Variants in WARS1 observed in about 807,000 individuals in gnomAD.
WARS1 encodes the protein tryptophanyl-tRNA synthetase 1.
WARS1 carries 17 observed loss-of-function variants against 47.8 expected under a neutral mutation model. That is an observed-to-expected ratio of 0.36 (90% confidence interval 0.24 to 0.53). The LOEUF (loss-of-function observed/expected upper bound fraction) is 0.53, where lower values mean the gene tolerates loss of function less well. Among genes scored for constraint, WARS1 ranks in the 20% least tolerant of loss-of-function variants. WARS1 has a pLI of 0.91. For missense variants in WARS1, 434 were observed against 608.0 expected (o/e 0.71, Z 3.01); for synonymous variants, 208 against 228.1 (o/e 0.91, Z 0.79).
intron 3 of WARS1, among the ~76,000 whole-genome samples, chr14:100,361,489 T>C (rs145561311): frequency 4.6e-4 from 70 of 152,394 alleles, no homozygotes; most frequent in African/African-American, 1.6e-3. Context: ...CTACTATAGA[T>C]CATTATTTTG....
At chr14:100,371,132 T>C (rs1041092223) in intron 1 of WARS1, among the ~76,000 whole-genome samples, 1 of 152,128 alleles carries the variant, frequency 6.6e-6, no homozygotes, top group East Asian at 1.9e-4. Context: ...ATCCTATCCA[T>C]TTGTTAAATA....
chr14:100,362,141 T>G (rs1311360646), intron 2 of WARS1, among the ~76,000 whole-genome samples: 1 of 152,172 alleles, frequency 6.6e-6, no homozygotes, highest in Non-Finnish European at 1.5e-5. Flanking sequence ...TCACAGCAAG[T>G]CATTGGCTCG....
At chr14:100,362,968 T>A (rs1006594823) in intron 2 of WARS1, among the ~76,000 whole-genome samples, 1 of 152,222 alleles carries the variant, frequency 6.6e-6, no homozygotes, top group Admixed American at 6.5e-5. Flanking sequence ...AGACTCATCA[T>A]TAAAATGAGC....
chr14:100,356,394 T>TGGG (rs1442957929), intron 4 of WARS1, among the ~76,000 whole-genome samples: 22 of 68,854 alleles, frequency 3.2e-4, no homozygotes, highest in East Asian at 3.5e-4. Context: ...TGTGTGTGTG[T>TGGG]GTGTGGGGGG....
rs775279931 is a variant in WARS1, at chr14:100,334,887, G to A, written c.1404C>T (p.Phe468=). The A allele has an allele frequency of 2.4e-5, 38 of 1,613,802 alleles. No individual in the cohort carries two copies. In the East Asian group the frequency reaches 2.9e-4, roughly 12 times the overall value. The part of the protein sequence containing the change: ...KEFMTPRKLS[F]DFQ ...TGTAAAACGAGTGCTACTGAAAGTCGAAGGACAGCTTCCGGGGAGTCATGA... is the reference window on the plus strand; with the variant it reads ...TGTAAAACGAGTGCTACTGAAAGTCAAAGGACAGCTTCCGGGGAGTCATGA... The change falls in exon 11 of 11, where the codon TTC becomes TTT. Residue 468 remains phenylalanine, a synonymous_variant. Transcript: ENST00000392882.
intron 4 of WARS1, among the ~76,000 whole-genome samples, chr14:100,356,779 C>T (rs535299036): frequency 6.6e-6 from 1 of 152,240 alleles, no homozygotes; most frequent in African/African-American, 2.4e-5. Flanking sequence ...GAAATACTTC[C>T]CAACTCATTC....
At chr14:100,345,835 C>T (rs1425190599) in intron 7 of WARS1, among the ~76,000 whole-genome samples, 1 of 152,362 alleles carries the variant, frequency 6.6e-6, no homozygotes, top group East Asian at 1.9e-4. Context: ...CCACGCCAGC[C>T]CCCACCAAGT....
chr14:100,363,103 A>G (rs1298793092), intron 2 of WARS1, among the ~76,000 whole-genome samples: 1 of 152,334 alleles, frequency 6.6e-6, no homozygotes, highest in South Asian at 2.1e-4. Flanking sequence ...CTTGCAAAAA[A>G]TAACAGTTTA....
In WARS1 at chr14:100,360,637, G is replaced by T. The variant is rs201676413; in HGVS notation, c.339C>A (p.Asp113Glu). The change falls in exon 4 of 11, where the codon GAC becomes GAA. Residue 113 changes from aspartate to glutamate, a missense_variant. Asp to Glu is a conservative substitution (Grantham distance 45). Around this residue, in one of 2 missense-constraint regions of WARS1, gnomAD observed 347 missense variants for 523.8 expected, o/e 0.66. Coordinates refer to ENST00000392882, the MANE Select transcript of WARS1 (RefSeq NM_004184.4). ...LIVRFGSSKIDKELINRIERA... is the reference protein window; with the variant it reads ...LIVRFGSSKIEKELINRIERA... ...TCTCTATTCGGTTTATTAGCTCTTT[G>T]TCAATTTTACTACTTCCAAACCGAA... is the stretch of plus-strand genomic sequence containing the variant. 8.7e-6 allele frequency: 14 copies of T among 1,613,840 alleles called. No individual in the cohort carries two copies. The East Asian group carries it at 2.5e-4, about 28-fold the overall frequency.
At position 100,355,478 on chromosome 14, in the gene WARS1, C is replaced by T. The variant is rs570442750; in HGVS notation, c.423-912G>A. On this transcript the variant is annotated intron_variant, in intron 4 of 10. Transcript: ENST00000392882. The stretch of plus-strand genomic sequence containing the variant: ...CCTCGTGATTTGCCTGCCTCGGCCT[C>T]CCAAAGTGCTGGGATTACAGGTGTG... 2.6e-5 allele frequency among the ~76,000 whole-genome samples: 4 copies of T among 152,222 alleles called. No individual in the cohort carries two copies. In the South Asian group the frequency reaches 6.2e-4, roughly 24 times the overall value.
intron 5 of WARS1, 34 bp downstream of exon 5, chr14:100,354,413 G>C: frequency 6.2e-7 from 1 of 1,602,518 alleles, no homozygotes; most frequent in East Asian, 2.2e-5. Context: ...AATTCACTAA[G>C]AGAGTAAGAA....
chr14:100,353,518 G>A (rs1320420700), intron 6 of WARS1, among the ~76,000 whole-genome samples, 169 bp downstream of exon 6: 1 of 152,200 alleles, frequency 6.6e-6, no homozygotes, highest in Non-Finnish European at 1.5e-5. Flanking sequence ...AAAGTGCTGG[G>A]ATTACAGGTG....
chr14:100,347,937 T>A (rs982397106), intron 6 of WARS1, among the ~76,000 whole-genome samples: 1 of 152,208 alleles, frequency 6.6e-6, no homozygotes, highest in Admixed American at 6.5e-5. Context: ...CTCTAGGCCC[T>A]ACCATGTGTT....
In WARS1 at chr14:100,335,757, C is replaced by T. The variant is rs576235706; in HGVS notation, c.1255-721G>A. On this transcript the variant is annotated intron_variant, in intron 10 of 10. Coordinates refer to ENST00000392882, the MANE Select transcript of WARS1 (RefSeq NM_004184.4). ...AGCAAATTTAATAAAGTACCCAAACCACAAAGCAGCAGCAAAGTAAAGAAA... is the reference window on the plus strand; with the variant it reads ...AGCAAATTTAATAAAGTACCCAAACTACAAAGCAGCAGCAAAGTAAAGAAA... Among the ~76,000 whole-genome samples, 17 of 152,254 alleles carry T rather than the reference C, an allele frequency of 1.1e-4. No homozygotes were observed. In the East Asian group the frequency reaches 3.3e-3, roughly 29 times the overall value.
At chr14:100,346,557 A>T (rs1268027526) in intron 7 of WARS1, among the ~76,000 whole-genome samples, 189 bp downstream of exon 7, 1 of 152,238 alleles carries the variant, frequency 6.6e-6, no homozygotes, top group Non-Finnish European at 1.5e-5. Flanking sequence ...GAAGCTGCTC[A>T]ATGCATTACA....
chr14:100,357,294 C>T (rs775664539), intron 4 of WARS1, among the ~76,000 whole-genome samples: 59 of 149,550 alleles, frequency 3.9e-4, no homozygotes, highest in Non-Finnish European at 5.3e-4. Context: ...AAATTAGGAA[C>T]GAAAAAAAAA....
intron 2 of WARS1, among the ~76,000 whole-genome samples, chr14:100,367,798 T>C (rs1317784334): frequency 1.3e-5 from 2 of 151,988 alleles, no homozygotes; most frequent in East Asian, 3.9e-4. Flanking sequence ...CCAGGGGAAA[T>C]CACTTCCATG....
In WARS1 at chr14:100,361,911, T is replaced by A. The variant is rs759934254; in HGVS notation, c.110A>T (p.Asp37Val). The A allele has an allele frequency of 1.2e-6, 2 of 1,614,188 alleles. No homozygotes were observed. Among genetic ancestry groups the A allele is most frequent in the East Asian group, 4.5e-5 (2 of 44,886 alleles). The change falls in exon 3 of 11, where the codon GAT becomes GTT. Residue 37 changes from aspartate to valine, a missense_variant. By Grantham distance (152) the Asp-to-Val change is radical. Around this residue, in one of 2 missense-constraint regions of WARS1, gnomAD observed 87 missense variants for 84.2 expected, o/e 1.03. Transcript: ENST00000392882. ...KAGNASKDEI[D>V]SAVKMLVSLK... ...TGACACCAACATCTTTACTGCAGAATCAATTTCATCCTGAGAGAGGAAATA... is the reference window on the plus strand; with the variant it reads ...TGACACCAACATCTTTACTGCAGAAACAATTTCATCCTGAGAGAGGAAATA...
At chr14:100,341,464 C>T (rs183400766) in intron 9 of WARS1, among the ~76,000 whole-genome samples, 6 of 152,286 alleles carry the variant, frequency 3.9e-5, no homozygotes, top group African/African-American at 9.6e-5. Context: ...CTTTCCAGAA[C>T]GGTCAGGGGC....
Sources: allele counts gnomAD v4.1 joint callset (sites outside exome capture counted in the v4.1 genomes callset), GRCh38; gene constraint gnomAD v4.1.1; regional missense constraint gnomAD v4.1.1; transcripts MANE v1.5; gene names NCBI Gene and HGNC (gene_info 2026-07-23, HGNC 2026-07-21).